Variants in THEMIS observed in about 807,000 individuals in gnomAD.
THEMIS encodes the protein protein THEMIS.
THEMIS carries 37 observed loss-of-function variants against 52.6 expected under a neutral mutation model. That is an observed-to-expected ratio of 0.70 (90% CI 0.54 to 0.93). The LOEUF (loss-of-function observed/expected upper bound fraction) is 0.93, where lower values mean the gene tolerates loss of function less well. Ranked by LOEUF, THEMIS falls within the 40% of genes least tolerant of loss-of-function variation. The probability of loss-of-function intolerance (pLI) is 0.00; values close to 1 mark genes in which losing one functional copy is unlikely to be tolerated. For synonymous variants in THEMIS, 292 were observed against 272.7 expected, an observed-to-expected ratio of 1.07 and a Z score of -0.70; for missense variants, 808 against 763.1, an observed-to-expected ratio of 1.06 and a Z score of -0.69.
At chr6:127,800,401 T>G (rs974918074) in intron 4 of THEMIS, among the ~76,000 whole-genome samples, 3 of 152,240 alleles carry the variant, frequency 2.0e-5, no homozygotes, top group Admixed American at 2.0e-4. Flanking sequence ...TTGTTGACAC[T>G]TGAATCATCA....
At chr6:127,788,564 G>A (rs546777649) in intron 4 of THEMIS, among the ~76,000 whole-genome samples, 2 of 152,248 alleles carry the variant, frequency 1.3e-5, no homozygotes, top group East Asian at 3.9e-4. Context: ...TTTACGGACA[G>A]TAAGAAGGTA....
chr6:127,841,591 A>G (rs1396431105), intron 2 of THEMIS, among the ~76,000 whole-genome samples: 4 of 152,074 alleles, frequency 2.6e-5, no homozygotes, highest in African/African-American at 9.7e-5. Context: ...TACAATGCAC[A>G]TAGATGAGTA....
intron 4 of THEMIS, among the ~76,000 whole-genome samples, chr6:127,801,870 C>T (rs1056877271): frequency 1.4e-4 from 22 of 152,074 alleles, no homozygotes; most frequent in African/African-American, 4.6e-4. Flanking sequence ...ATGCACTACA[C>T]GGGAAAAGAA....
rs781082635 is a variant in THEMIS at position 127,710,033 on chromosome 6, A to G, written c.1895-17T>C. 16 of 1,534,892 alleles carry G rather than the reference A, an allele frequency of 1.0e-5. No homozygotes were observed. The highest frequency in any genetic ancestry group is 1.4e-5 in the Non-Finnish European group (16 of 1,127,076). ...TGAATGTTTCTATAAATAAAAAAAGAAGGGTTTATCAGAAATAAGTATTGA... is the reference window on the plus strand; with the variant it reads ...TGAATGTTTCTATAAATAAAAAAAGGAGGGTTTATCAGAAATAAGTATTGA... On this transcript the variant is annotated splice_polypyrimidine_tract_variant and intron_variant, in intron 5 of 5. Coordinates refer to ENST00000368248, the MANE Select transcript of THEMIS (RefSeq NM_001010923.3).
At chr6:127,720,275 A>G (rs1207303509) in intron 4 of THEMIS, among the ~76,000 whole-genome samples, 1 of 151,934 alleles carries the variant, frequency 6.6e-6, no homozygotes, top group African/African-American at 2.4e-5. Context: ...TATAAATTAA[A>G]CCACATTTTT....
chr6:127,709,831 G>A lies in THEMIS; in HGVS notation c.*154C>T. The A allele has an allele frequency of 1.6e-6, 1 of 643,072 alleles. No homozygotes were observed. The highest frequency in any genetic ancestry group is 1.9e-5 in the South Asian group (1 of 52,596). 39.8% of individuals were successfully genotyped at this position (643,072 alleles called of 1,614,324 possible). ...TCATAGGTTTCTGTAAGTTTTATCTGTTAAAAGTTTTAAGGTTGTTCTTTC... is the reference window on the plus strand; with the variant it reads ...TCATAGGTTTCTGTAAGTTTTATCTATTAAAAGTTTTAAGGTTGTTCTTTC... On this transcript the variant is annotated 3_prime_UTR_variant, in exon 6 of 6. Coordinates refer to ENST00000368248, the MANE Select transcript of THEMIS (RefSeq NM_001010923.3).
intron 4 of THEMIS, among the ~76,000 whole-genome samples, chr6:127,802,629 A>C (rs1777573615): frequency 1.3e-5 from 2 of 152,200 alleles, no homozygotes; most frequent in Admixed American, 1.3e-4. Flanking sequence ...GAATGGGCAA[A>C]AGACTAATTT....
intron 5 of THEMIS, among the ~76,000 whole-genome samples, chr6:127,712,018 T>C (rs868614003): frequency 6.6e-6 from 1 of 151,932 alleles, no homozygotes; most frequent in South Asian, 2.1e-4. Flanking sequence ...GAGCTTGCAA[T>C]TACTTTGTAA....
rs192287264 is a variant in THEMIS, at chr6:127,868,095, C to T, written c.92-12907G>A. ...TTCACCTGTAAAATAAAGATAGTGC[C>T]TCAACTTCGTTATCTTTAACATAAG... On this transcript the variant is annotated intron_variant, in intron 1 of 5. Transcript: ENST00000368248. 7.2e-5 allele frequency among the ~76,000 whole-genome samples: 11 copies of T among 152,224 alleles called. No individual in the cohort carries two copies. The East Asian group carries it at 2.1e-3, about 29-fold the overall frequency.
rs146792316 is a variant in THEMIS, at chr6:127,900,690, C to T, written c.91+152G>A. 1.0e-3 allele frequency: 682 copies of T among 657,190 alleles called. 4 individuals carry two copies. In the African/African-American group the frequency reaches 0.012, roughly 11 times the overall value. The allele number at this position is 657,190 out of a possible 1,614,324, so 40.7% of individuals were successfully genotyped here. On this transcript the variant is annotated intron_variant, in intron 1 of 5. Coordinates refer to ENST00000368248, the MANE Select transcript of THEMIS (RefSeq NM_001010923.3). ...CCTCTCCAACACCATTGGCTTTTGA[C>T]GATTCGTTGGTCAGTTCATTACTTT...
intron 4 of THEMIS, chr6:127,807,387 CA>C: frequency 4.6e-6 from 1 of 219,438 alleles, no homozygotes; most frequent in Non-Finnish European, 9.2e-6. Context: ...TTGTATCTCA[CA>C]GTCAAAAAAG....
At chr6:127,896,999 A>G (rs368493775) in intron 1 of THEMIS, among the ~76,000 whole-genome samples, 1 of 151,508 alleles carries the variant, frequency 6.6e-6, no homozygotes, top group Admixed American at 6.6e-5. Flanking sequence ...AAAAGGGAAA[A>G]GACCCAGGCA....
At chr6:127,850,394 T>C (rs970353973) in intron 2 of THEMIS, among the ~76,000 whole-genome samples, 3 of 151,636 alleles carry the variant, frequency 2.0e-5, no homozygotes, top group African/African-American at 7.3e-5. Flanking sequence ...GCATATCTAC[T>C]CAAAGGAAAA....
chr6:127,772,851 G>T (rs1019698953), intron 4 of THEMIS, among the ~76,000 whole-genome samples: 1 of 152,132 alleles, frequency 6.6e-6, no homozygotes, highest in Non-Finnish European at 1.5e-5. Context: ...TTTTGAGGGC[G>T]TTTGGGGGCA....
At chr6:127,720,072 G>A (rs1442597696) in intron 4 of THEMIS, among the ~76,000 whole-genome samples, 1 of 151,794 alleles carries the variant, frequency 6.6e-6, no homozygotes, top group Non-Finnish European at 1.5e-5. Context: ...AAGACTATTT[G>A]TGTATATTAC....
chr6:127,792,328 G>A lies in THEMIS; in HGVS notation c.1758+20555C>T, dbSNP rs568758812. Reference sequence around the variant, plus strand: ...GACCATAAGTACCCGTGTTCTGTTGGCAAGAGACCAGAGAGACAGGACGGC... The same window carrying A: ...GACCATAAGTACCCGTGTTCTGTTGACAAGAGACCAGAGAGACAGGACGGC... On this transcript the variant is annotated intron_variant, in intron 4 of 5. Transcript: ENST00000368248. Among the ~76,000 whole-genome samples, 12 of 152,288 alleles carry A rather than the reference G, an allele frequency of 7.9e-5. No individual in the cohort carries two copies. In the East Asian group the frequency reaches 1.9e-3, roughly 25 times the overall value.
At chr6:127,818,234 T>G (rs998427813) in intron 3 of THEMIS, among the ~76,000 whole-genome samples, 51 of 152,140 alleles carry the variant, frequency 3.4e-4, no homozygotes, top group Admixed American at 1.6e-3. Context: ...TGAGAAACAC[T>G]TGTGAAGGTC....
intron 4 of THEMIS, among the ~76,000 whole-genome samples, chr6:127,748,482 A>T (rs775655641): frequency 6.6e-6 from 1 of 152,086 alleles, no homozygotes; most frequent in Admixed American, 6.6e-5. Context: ...TCTTAAGAAA[A>T]TTAACCCAGT....
At chr6:127,862,436 T>TTTTTTTTTTTTTTTC (rs1779837917) in intron 1 of THEMIS, among the ~76,000 whole-genome samples, 2 of 134,356 alleles carry the variant, frequency 1.5e-5, no homozygotes, top group East Asian at 2.2e-4. Flanking sequence ...AAATTTTTTT[T>TTTTTTTTTTTTTTTC]TTTTTTTTTT....
Sources: gnomAD v4.1 joint callset for allele counts (sites outside exome capture counted in the v4.1 genomes callset) on GRCh38, gnomAD v4.1.1 for gene constraint, MANE v1.5 for transcripts, NCBI Gene and HGNC (gene_info 2026-07-23, HGNC 2026-07-21) for gene names.